Variants in SAMHD1 observed in about 807,000 individuals in gnomAD.
The protein encoded by SAMHD1 is SAM and HD domain containing deoxynucleoside triphosphate triphosphohydrolase 1, also known as deoxynucleoside triphosphate triphosphohydrolase SAMHD1.
A neutral mutation model predicts 79.6 loss-of-function variants in SAMHD1; 54 were observed. The ratio of observed to expected loss-of-function variants is 0.68; its 90% CI spans 0.55 to 0.85. SAMHD1 has a LOEUF of 0.85. Ranked by LOEUF, SAMHD1 falls within the 40% of genes least tolerant of loss-of-function variation. The probability of loss-of-function intolerance (pLI) is 0.00; values close to 1 mark genes in which losing one functional copy is unlikely to be tolerated. For synonymous variants in SAMHD1, 260 were observed against 264.1 expected, an observed-to-expected ratio of 0.98 and a Z score of 0.15; for missense variants, 663 against 782.7, an observed-to-expected ratio of 0.85 and a Z score of 1.82.
In SAMHD1 at chr20:36,891,690, T is replaced by C. The variant is rs1181431722; in HGVS notation, c.*1242A>G. 1.3e-5 allele frequency: 2 copies of C among 152,162 alleles called. No homozygotes were observed. The highest frequency in any genetic ancestry group is 2.9e-5 in the Non-Finnish European group (2 of 68,176). The allele number at this position is 152,162 out of a possible 1,614,324, so 9.4% of individuals were successfully genotyped here. A position where few individuals can be genotyped will look rare whatever the true frequency, so the allele number is the denominator to read the frequency against. Reference sequence around the variant, plus strand: ...ATTTCAGCACAGGCAGTGCAGTGTTTGTGCTTTTTTTTTTGGAGATGGAGT... The same window carrying C: ...ATTTCAGCACAGGCAGTGCAGTGTTCGTGCTTTTTTTTTTGGAGATGGAGT... On this transcript the variant is annotated 3_prime_UTR_variant, in exon 16 of 16. Transcript: ENST00000646673.
At chr20:36,944,136 A>G (rs1465557417) in intron 2 of SAMHD1, among the ~76,000 whole-genome samples, 2 of 149,836 alleles carry the variant, frequency 1.3e-5, no homozygotes, top group East Asian at 4.0e-4. Context: ...TCACAAGGTC[A>G]GGAGATTGAG....
chr20:36,922,030 C>T lies in SAMHD1; in HGVS notation c.697-2511G>A, dbSNP rs374832420. On this transcript the variant is annotated intron_variant, in intron 6 of 15. Coordinates refer to ENST00000646673, the MANE Select transcript of SAMHD1 (RefSeq NM_015474.4). The stretch of plus-strand genomic sequence containing the variant: ...GTGGCATTCTACCAAAAATGCATAG[C>T]TTGAATCCATGAGGAAACATCACAC... Among the ~76,000 whole-genome samples, 4 of 152,242 alleles carry T rather than the reference C, an allele frequency of 2.6e-5. No homozygotes were observed. In the East Asian group the frequency reaches 5.8e-4, roughly 22 times the overall value.
intron 3 of SAMHD1, among the ~76,000 whole-genome samples, chr20:36,939,075 CAAAAAAA>C (rs1178988134): frequency 4.4e-4 from 10 of 22,532 alleles, no homozygotes; most frequent in South Asian, 3.5e-3. Flanking sequence ...CTAAAAATAC[CAAAAAAA>C]AAAAAAAAAA....
intron 11 of SAMHD1, among the ~76,000 whole-genome samples, chr20:36,909,035 C>G (rs1398601883): frequency 6.6e-6 from 1 of 152,104 alleles, no homozygotes; most frequent in Non-Finnish European, 1.5e-5. Flanking sequence ...GATCTCTGCT[C>G]ACCGCAACCT....
intron 2 of SAMHD1, among the ~76,000 whole-genome samples, chr20:36,944,539 A>T (rs906124450): frequency 2.0e-5 from 3 of 152,208 alleles, no homozygotes; most frequent in African/African-American, 4.8e-5. Flanking sequence ...AAAATTTCAG[A>T]AGAGAAGGCC....
At chr20:36,901,671 G>T (rs564030875) in intron 13 of SAMHD1, among the ~76,000 whole-genome samples, 1 of 151,918 alleles carries the variant, frequency 6.6e-6, no homozygotes, top group Non-Finnish European at 1.5e-5. Context: ...AGGAGTTTGA[G>T]GTTATAATGA....
At chr20:36,951,385 C>G (rs765117157) in intron 1 of SAMHD1, 51 bp downstream of exon 1, 1 of 1,607,678 alleles carries the variant, frequency 6.2e-7, no homozygotes, top group South Asian at 1.1e-5. Context: ...GGCGCCTGGC[C>G]CGCGCCCCAG....
At chr20:36,904,413 T>C in intron 12 of SAMHD1, 164 bp from the exon 13 acceptor site, 1 of 649,940 alleles carries the variant, frequency 1.5e-6, no homozygotes. Flanking sequence ...AAAGAGAGCA[T>C]TTTTGTAAAA....
At chr20:36,924,015 C>T (rs769338951) in intron 6 of SAMHD1, among the ~76,000 whole-genome samples, 1 of 152,068 alleles carries the variant, frequency 6.6e-6, no homozygotes, top group African/African-American at 2.4e-5. Context: ...TTTAGGAGGC[C>T]AAGCGGGGCA....
At chr20:36,903,886 TA>T (rs1025443458) in intron 13 of SAMHD1, 28 of 314,248 alleles carry the variant, frequency 8.9e-5, no homozygotes, top group Middle Eastern at 1.1e-3. Flanking sequence ...ATGCAGGCAA[TA>T]AAAAAAATTA....
At chr20:36,945,120 T>C (rs1010484000) in intron 2 of SAMHD1, among the ~76,000 whole-genome samples, 1 of 152,160 alleles carries the variant, frequency 6.6e-6, no homozygotes, top group African/African-American at 2.4e-5. Context: ...ACTGCAACCT[T>C]GAACTCCTGG....
chr20:36,902,694 G>C (rs6102697), intron 13 of SAMHD1, among the ~76,000 whole-genome samples: 30,598 of 151,998 alleles, frequency 0.2, 3,632 homozygotes, highest in African/African-American at 0.32. Flanking sequence ...AGAGAGTTGA[G>C]GGTAACTGCA....
At chr20:36,898,587 G>T (rs201043873) in intron 13 of SAMHD1, 43 bp from the exon 14 acceptor site, 2 of 1,444,666 alleles carry the variant, frequency 1.4e-6, no homozygotes, top group East Asian at 2.3e-5. Flanking sequence ...GCAAGCAGGA[G>T]AACTGAACTC....
chr20:36,950,466 A>G (rs2063726449), intron 1 of SAMHD1, among the ~76,000 whole-genome samples: 2 of 152,170 alleles, frequency 1.3e-5, no homozygotes, highest in Admixed American at 6.6e-5. Flanking sequence ...AAAATTTACT[A>G]AATTTGCAAA....
At chr20:36,941,880 A>G (rs751770218) in intron 2 of SAMHD1, among the ~76,000 whole-genome samples, 4 of 152,212 alleles carry the variant, frequency 2.6e-5, no homozygotes, top group Non-Finnish European at 5.9e-5. Flanking sequence ...CAGAAGCATT[A>G]TTACAGCTGA....
rs970976656 is a variant in SAMHD1 at position 36,897,908 on chromosome 20, A to G, written c.1660T>C (p.Cys554Arg). Residue 554 changes from cysteine to arginine, a missense_variant, in exon 15 of 16, where the codon TGT (cysteine) becomes CGT (arginine). Transcript: ENST00000646673. ...AAACTCTTTCTGTCCACCTTCTTAC[A>G]ATATACTCGAATCAGCTGCTCTGCA... ...KFAEQLIRVY[C>R]KKVDRKSLYA... 6.2e-7 allele frequency: 1 copy of G among 1,614,224 alleles called. No homozygotes were observed. Among genetic ancestry groups the G allele is most frequent in the Non-Finnish European group, 8.5e-7 (1 of 1,180,040 alleles).
At chr20:36,928,233 C>T (rs1413303071) in intron 5 of SAMHD1, among the ~76,000 whole-genome samples, 3 of 150,812 alleles carry the variant, frequency 2.0e-5, no homozygotes, top group Non-Finnish European at 2.9e-5. Context: ...ACTAAAAATA[C>T]AAAAAATTAG....
At chr20:36,911,111 A>G in intron 11 of SAMHD1, 107 bp downstream of exon 11, 1 of 668,536 alleles carries the variant, frequency 1.5e-6, no homozygotes, top group Non-Finnish European at 2.6e-6. Flanking sequence ...TTAAATAATT[A>G]TCTTTAAAAA....
intron 11 of SAMHD1, among the ~76,000 whole-genome samples, chr20:36,910,329 G>A (rs1019458423): frequency 7.2e-5 from 11 of 151,926 alleles, no homozygotes; most frequent in East Asian, 1.9e-4. Context: ...CTTGAGCTCC[G>A]GAGGTTGAGG....
Sources: allele counts gnomAD v4.1 joint callset (sites outside exome capture counted in the v4.1 genomes callset), GRCh38; gene constraint gnomAD v4.1.1; transcripts MANE v1.5; gene names NCBI Gene and HGNC (gene_info 2026-07-23, HGNC 2026-07-21).